AFF3: variants seen among roughly 807,000 people sequenced by gnomAD.
The protein encoded by AFF3 is AF4/FMR2 family member 3.
A neutral mutation model predicts 129.7 loss-of-function variants in AFF3; 32 were observed. The observed-to-expected ratio is 0.25, with a 90% CI of 0.19 to 0.33. The LOEUF (loss-of-function observed/expected upper bound fraction) is 0.33, where lower values mean the gene tolerates loss of function less well. AFF3 is among the 10% of genes least tolerant of loss of function. The probability of loss-of-function intolerance (pLI) is 1.00; values close to 1 mark genes in which losing one functional copy is unlikely to be tolerated. For synonymous variants in AFF3, 644 were observed against 635.4 expected, an observed-to-expected ratio of 1.01 and a Z score of -0.20; for missense variants, 1,373 against 1,592.0, an observed-to-expected ratio of 0.86 and a Z score of 2.34.
chr2:99,833,838 G>A (rs909070009), intron 8 of AFF3, among the ~76,000 whole-genome samples: 3 of 152,082 alleles, frequency 2.0e-5, no homozygotes, highest in South Asian at 2.1e-4. Context: ...AGCCCTGATC[G>A]CCCATCCTCA....
intron 7 of AFF3, among the ~76,000 whole-genome samples, chr2:99,970,791 TG>T (rs1678286810): frequency 6.6e-6 from 1 of 152,206 alleles, no homozygotes; most frequent in Admixed American, 6.5e-5. Context: ...CTGAAGAGCC[TG>T]AACCACTGTG....
At chr2:100,126,435 A>G (rs1330758100) in intron 2 of AFF3, among the ~76,000 whole-genome samples, 1 of 152,226 alleles carries the variant, frequency 6.6e-6, no homozygotes, top group Non-Finnish European at 1.5e-5. Flanking sequence ...ATGCACACAG[A>G]TCCAGATTCT....
At chr2:100,134,327 G>A (rs1207576131) in intron 1 of AFF3, among the ~76,000 whole-genome samples, 2 of 152,104 alleles carry the variant, frequency 1.3e-5, no homozygotes, top group Admixed American at 6.6e-5. Context: ...TGTAGCTTTG[G>A]TTTACTAATA....
rs1680050424 is a variant in AFF3 at position 99,734,026 on chromosome 2, C to T, written c.1040-6898G>A. Among the ~76,000 whole-genome samples, 4 of 152,160 alleles carry T rather than the reference C, an allele frequency of 2.6e-5. No individual in the cohort carries two copies. The South Asian group carries it at 8.3e-4, about 31-fold the overall frequency. On this transcript the variant is annotated intron_variant, in intron 10 of 24. Coordinates refer to ENST00000672756, the MANE Select transcript of AFF3 (RefSeq NM_001386135.1). ...ATAGATATCTGAAGAGAACTTGTAT[C>T]TTTACAACACTGCATCTTCCAATTC...
chr2:99,796,649 G>C (rs547981729), intron 8 of AFF3, among the ~76,000 whole-genome samples: 2 of 152,178 alleles, frequency 1.3e-5, no homozygotes, highest in Non-Finnish European at 2.9e-5. Context: ...ACACAAGAGC[G>C]GAGATTGCTG....
chr2:99,996,164 A>G (rs2104632799), intron 7 of AFF3, among the ~76,000 whole-genome samples: 1 of 152,212 alleles, frequency 6.6e-6, no homozygotes, highest in Middle Eastern at 3.4e-3. Context: ...TGAGATGCTG[A>G]ACCACTAAAG....
chr2:99,901,848 GC>G (rs11295819), intron 7 of AFF3, among the ~76,000 whole-genome samples: 67,530 of 151,376 alleles, frequency 0.45, 16,134 homozygotes, highest in African/African-American at 0.61. Context: ...TGATAGCTGT[GC>G]CCCCCAGAGC....
rs1347952640 is a variant in AFF3, at chr2:99,578,215, A to C, written c.2918+112T>G. ...TAAATGACCAAGTCCCAGGGGAAAA[A>C]AAGGCCGCACTGTAGCTGAAGGTGG... On this transcript the variant is annotated intron_variant, in intron 18 of 24. Transcript: ENST00000672756. The C allele has an allele frequency of 7.8e-6, 11 of 1,417,434 alleles. No individual in the cohort carries two copies. The Admixed American group carries it at 3.1e-4, about 40-fold the overall frequency. The allele number at this position is 1,417,434 out of a possible 1,614,324, so 87.8% of individuals were successfully genotyped here.
intron 7 of AFF3, among the ~76,000 whole-genome samples, chr2:99,845,304 TTA>T (rs894097052): frequency 3.3e-5 from 5 of 152,220 alleles, no homozygotes; most frequent in African/African-American, 1.2e-4. Context: ...GGTATTTCAA[TTA>T]TGTTATTATT....
At chr2:99,614,482 C>T (rs532500507) in intron 13 of AFF3, among the ~76,000 whole-genome samples, 1 of 152,284 alleles carries the variant, frequency 6.6e-6, no homozygotes, top group East Asian at 1.9e-4. Context: ...TGTTGAGACA[C>T]AAGGCTTGAT....
chr2:99,930,918 T>C (rs17023310), intron 7 of AFF3, among the ~76,000 whole-genome samples: 2,748 of 152,290 alleles, frequency 0.018, 93 homozygotes, highest in African/African-American at 0.064. Context: ...ACACTTACAA[T>C]GGCTCTCACA....
intron 4 of AFF3, among the ~76,000 whole-genome samples, chr2:100,053,289 C>T (rs1428300265): frequency 6.6e-6 from 1 of 152,176 alleles, no homozygotes; most frequent in Non-Finnish European, 1.5e-5. Context: ...TTGACAGTAC[C>T]CGAGAGTTGA....
intron 7 of AFF3, among the ~76,000 whole-genome samples, chr2:99,866,441 G>A (rs113806085): frequency 2.6e-3 from 397 of 152,278 alleles, no homozygotes; most frequent in African/African-American, 8.9e-3. Flanking sequence ...CCTCTGCAGC[G>A]AACCATGAGC....
At chr2:99,902,879 A>C (rs1387847080) in intron 7 of AFF3, among the ~76,000 whole-genome samples, 2 of 152,120 alleles carry the variant, frequency 1.3e-5, no homozygotes, top group East Asian at 3.8e-4. Context: ...AATATAGGAA[A>C]GTTTAGAGTT....
At chr2:99,929,706 A>G (rs1277855333) in intron 7 of AFF3, among the ~76,000 whole-genome samples, 2 of 152,154 alleles carry the variant, frequency 1.3e-5, no homozygotes, top group Admixed American at 1.3e-4. Flanking sequence ...CAGTGCAATA[A>G]AGTACAAGGC....
At chr2:99,942,081 G>A (rs1395112115) in intron 7 of AFF3, among the ~76,000 whole-genome samples, 1 of 152,178 alleles carries the variant, frequency 6.6e-6, no homozygotes, top group Non-Finnish European at 1.5e-5. Flanking sequence ...CTCCCAGGCA[G>A]CCGCAGTCAT....
intron 4 of AFF3, among the ~76,000 whole-genome samples, chr2:100,083,045 G>A (rs60697219): frequency 0.14 from 21,991 of 152,106 alleles, 1,916 homozygotes; most frequent in East Asian, 0.28. Context: ...GTGCCAGATA[G>A]TGCCACTGTA....
At chr2:100,106,779 G>C (rs571946877) in intron 2 of AFF3, 4 of 985,528 alleles carry the variant, frequency 4.1e-6, no homozygotes, top group East Asian at 2.3e-4. Context: ...AAACATAACC[G>C]TGTTTACTGC....
At chr2:100,106,032 T>C in intron 2 of AFF3, 1 of 1,319,302 alleles carries the variant, frequency 7.6e-7, no homozygotes, top group East Asian at 4.7e-5. Flanking sequence ...TCCTCTCACC[T>C]CACCCACCTC....
Sources: gnomAD v4.1 joint callset for allele counts (sites outside exome capture counted in the v4.1 genomes callset) on GRCh38, gnomAD v4.1.1 for gene constraint, MANE v1.5 for transcripts, NCBI Gene and HGNC (gene_info 2026-07-23, HGNC 2026-07-21) for gene names.